LHFPL3: variants seen among roughly 807,000 people sequenced by gnomAD.
LHFPL3 encodes the protein LHFPL tetraspan subfamily member 3.
In LHFPL3, 5 loss-of-function variants were observed where a neutral mutation model predicts 19.3. The ratio of observed to expected loss-of-function variants is 0.26; its 90% CI spans 0.14 to 0.54. The LOEUF (loss-of-function observed/expected upper bound fraction) is 0.54. Among genes scored for constraint, LHFPL3 ranks in the 20% least tolerant of loss-of-function variants. The pLI is 0.94. For synonymous variants in LHFPL3, 133 were observed against 126.2 expected (o/e 1.05, Z -0.36); for missense variants, 249 against 307.4 (o/e 0.81, Z 1.42).
Position 104,838,426 on chromosome 7 carries a change from TA to T in LHFPL3, c.683-67760del, listed in dbSNP as rs149470998. 3.5e-3 allele frequency among the ~76,000 whole-genome samples: 528 copies of T among 152,356 alleles called. 15 individuals are homozygous for T. In the East Asian group the frequency reaches 0.056, roughly 16 times the overall value. ...CCATTTAAATGAAGTCTGATTTCAT[TA>T]GAATCTAAATTAAGTGATAAGGCTG... On this transcript the variant is annotated intron_variant, in intron 2 of 2. Transcript: ENST00000424859.
chr7:104,745,949 A>T (rs1794038641), intron 2 of LHFPL3, among the ~76,000 whole-genome samples: 1 of 152,194 alleles, frequency 6.6e-6, no homozygotes, highest in African/African-American at 2.4e-5. Context: ...ATCAAGGTAA[A>T]GAAATATTGA....
At chr7:104,419,030 A>G (rs1236142042) in intron 1 of LHFPL3, among the ~76,000 whole-genome samples, 1 of 152,238 alleles carries the variant, frequency 6.6e-6, no homozygotes, top group Admixed American at 6.5e-5. Flanking sequence ...AGCTAGTAGT[A>G]GATTTTATAA....
At chr7:104,902,735 G>A (rs867633597) in intron 2 of LHFPL3, among the ~76,000 whole-genome samples, 7 of 152,144 alleles carry the variant, frequency 4.6e-5, no homozygotes, top group African/African-American at 1.4e-4. Flanking sequence ...ACAGTGAGCC[G>A]AGATCACGCC....
intron 2 of LHFPL3, among the ~76,000 whole-genome samples, chr7:104,843,081 C>T (rs1182107691): frequency 1.3e-5 from 2 of 152,132 alleles, no homozygotes; most frequent in Non-Finnish European, 2.9e-5. Flanking sequence ...AGCTGCCATT[C>T]CTGGCAGCCC....
At chr7:104,439,736 A>G (rs1339073058) in intron 1 of LHFPL3, among the ~76,000 whole-genome samples, 1 of 152,176 alleles carries the variant, frequency 6.6e-6, no homozygotes, top group African/African-American at 2.4e-5. Flanking sequence ...CAGCAAAAAT[A>G]ATATTTAATG....
intron 2 of LHFPL3, among the ~76,000 whole-genome samples, chr7:104,874,223 T>C (rs1286409941): frequency 6.6e-6 from 1 of 152,238 alleles, no homozygotes; most frequent in Non-Finnish European, 1.5e-5. Context: ...TTGATGCCAA[T>C]TAACTGCACT....
chr7:104,812,142 A>G (rs1426497082), intron 2 of LHFPL3, among the ~76,000 whole-genome samples: 2 of 152,196 alleles, frequency 1.3e-5, no homozygotes, highest in Non-Finnish European at 2.9e-5. Context: ...AAAGTGATCA[A>G]TAACACCTTC....
chr7:104,897,702 AAC>A (rs1284855266), intron 2 of LHFPL3, among the ~76,000 whole-genome samples: 3 of 152,222 alleles, frequency 2.0e-5, no homozygotes, highest in Non-Finnish European at 4.4e-5. Flanking sequence ...CTACTTATTA[AAC>A]ACACTGATTC....
In LHFPL3 at chr7:104,713,037, G is replaced by T. The variant is rs376967032; in HGVS notation, c.446-23638G>T. ...TCTTCTTTTTATTCCCTCAAGCTGGGGTCAAGAAAAATAGGGATCAGTACC... is the reference window on the plus strand; with the variant it reads ...TCTTCTTTTTATTCCCTCAAGCTGGTGTCAAGAAAAATAGGGATCAGTACC... On this transcript the variant is annotated intron_variant, in intron 1 of 2. Coordinates refer to ENST00000424859, the MANE Select transcript of LHFPL3 (RefSeq NM_199000.3). Among the ~76,000 whole-genome samples the T allele has an allele frequency of 2.6e-5, 4 of 152,184 alleles. No homozygotes were observed. The East Asian group carries it at 7.7e-4, about 29-fold the overall frequency.
At chr7:104,367,857 A>G (rs1418012958) in intron 1 of LHFPL3, among the ~76,000 whole-genome samples, 2 of 152,248 alleles carry the variant, frequency 1.3e-5, no homozygotes, top group Non-Finnish European at 2.9e-5. Context: ...GTCTAAAGAC[A>G]CAGGGAGCAA....
intron 2 of LHFPL3, among the ~76,000 whole-genome samples, chr7:104,746,113 C>T (rs1293193906): frequency 1.3e-5 from 2 of 152,102 alleles, no homozygotes; most frequent in Non-Finnish European, 2.9e-5. Flanking sequence ...GAGTTTGAGA[C>T]CACCTTGGCC....
chr7:104,547,040 T>A (rs1794588156), intron 1 of LHFPL3, among the ~76,000 whole-genome samples: 1 of 86,696 alleles, frequency 1.2e-5, no homozygotes, highest in Non-Finnish European at 2.6e-5. Flanking sequence ...ATCGAGACCA[T>A]CCTGGCTAAC....
In LHFPL3 at chr7:104,600,541, C is replaced by G. The variant is rs556277174; in HGVS notation, c.446-136134C>G. On this transcript the variant is annotated intron_variant, in intron 1 of 2. Transcript: ENST00000424859. ...ACAAAAAGCCTCATGTTTCATGATA[C>G]TTTTTACTTTTACAAAATGTTTTTC... Among the ~76,000 whole-genome samples, 45 of 152,266 alleles carry G rather than the reference C, an allele frequency of 3.0e-4. No individual in the cohort carries two copies. In the South Asian group the frequency reaches 5.8e-3, roughly 20 times the overall value.
At chr7:104,786,241 G>A (rs951719436) in intron 2 of LHFPL3, among the ~76,000 whole-genome samples, 7 of 152,162 alleles carry the variant, frequency 4.6e-5, no homozygotes, top group East Asian at 1.9e-4. Context: ...AAAATTCAGC[G>A]ACCCGCTTGG....
At chr7:104,685,578 T>G (rs535018401) in intron 1 of LHFPL3, among the ~76,000 whole-genome samples, 32 of 152,124 alleles carry the variant, frequency 2.1e-4, no homozygotes, top group Non-Finnish European at 4.7e-4. Context: ...TTTTTGAGAG[T>G]CAGAGTATAA....
chr7:104,451,256 G>T (rs1429968710), intron 1 of LHFPL3, among the ~76,000 whole-genome samples: 1 of 152,184 alleles, frequency 6.6e-6, no homozygotes, highest in Non-Finnish European at 1.5e-5. Context: ...ACAGAGTACT[G>T]CTTTTTAAAA....
At position 104,716,491 on chromosome 7, in the gene LHFPL3, A is replaced by G. The variant is rs148296550; in HGVS notation, c.446-20184A>G. 6.8e-3 allele frequency among the ~76,000 whole-genome samples: 1,034 copies of G among 152,352 alleles called. 4 individuals carry two copies. The highest frequency in any genetic ancestry group is 0.017 in the Middle Eastern group (5 of 294). On this transcript the variant is annotated intron_variant, in intron 1 of 2. Transcript: ENST00000424859. ...AATCAGTAAAGCTGCAGTATACAAA[A>G]TCAACATACAAAATTCTGTTGAGTT...
intron 1 of LHFPL3, among the ~76,000 whole-genome samples, chr7:104,477,060 G>A (rs957415439): frequency 3.9e-5 from 6 of 152,006 alleles, no homozygotes; most frequent in African/African-American, 1.2e-4. Flanking sequence ...GTGCAAACAC[G>A]GCTCACTGAA....
chr7:104,359,721 G>A (rs775435938), intron 1 of LHFPL3, among the ~76,000 whole-genome samples: 6 of 152,238 alleles, frequency 3.9e-5, no homozygotes, highest in Non-Finnish European at 4.4e-5. Context: ...GGTAGAATGC[G>A]CTAAATGGTC....
Sources: allele counts gnomAD v4.1 joint callset (sites outside exome capture counted in the v4.1 genomes callset), GRCh38; gene constraint gnomAD v4.1.1; transcripts MANE v1.5; gene names NCBI Gene and HGNC (gene_info 2026-07-23, HGNC 2026-07-21).